HPSE2: variants seen among roughly 807,000 people sequenced by gnomAD.
HPSE2 encodes inactive heparanase-2.
HPSE2 carries 38 observed loss-of-function variants against 60.5 expected under a neutral mutation model. The ratio of observed to expected loss-of-function variants is 0.63; its 90% CI spans 0.48 to 0.82. The LOEUF (loss-of-function observed/expected upper bound fraction) is 0.82. HPSE2 is among the 40% of genes least tolerant of loss of function. The pLI is 0.00. For synonymous variants in HPSE2, 295 were observed against 293.2 expected (o/e 1.01, Z -0.06); for missense variants, 713 against 740.4 (o/e 0.96, Z 0.43).
At chr10:98,910,340 C>T (rs1204353410) in intron 3 of HPSE2, among the ~76,000 whole-genome samples, 1 of 152,004 alleles carries the variant, frequency 6.6e-6, no homozygotes, top group Non-Finnish European at 1.5e-5. Flanking sequence ...TTATGAGTCA[C>T]CAGTAAAGAG....
chr10:99,206,461 C>T (rs1455831752), intron 2 of HPSE2, among the ~76,000 whole-genome samples: 1 of 151,244 alleles, frequency 6.6e-6, no homozygotes, highest in African/African-American at 2.4e-5. Context: ...GGGGTGGTGG[C>T]ATGCGCTATG....
intron 2 of HPSE2, among the ~76,000 whole-genome samples, chr10:99,203,599 T>C (rs1444099697): frequency 6.6e-6 from 1 of 151,836 alleles, no homozygotes; most frequent in African/African-American, 2.4e-5. Flanking sequence ...AACAGACTCC[T>C]GCACTAGACT....
At chr10:99,008,654 T>C (rs191697626) in intron 3 of HPSE2, among the ~76,000 whole-genome samples, 1 of 152,268 alleles carries the variant, frequency 6.6e-6, no homozygotes, top group African/African-American at 2.4e-5. Flanking sequence ...CAAAGCCAAT[T>C]AGCATCAGAT....
intron 3 of HPSE2, among the ~76,000 whole-genome samples, chr10:99,007,962 A>G (rs1278099961): frequency 6.6e-6 from 1 of 152,214 alleles, no homozygotes; most frequent in Non-Finnish European, 1.5e-5. Context: ...TGTATGCATA[A>G]TTCCAAGTCA....
chr10:98,909,999 C>A (rs1317420336), intron 3 of HPSE2, among the ~76,000 whole-genome samples: 1 of 152,078 alleles, frequency 6.6e-6, no homozygotes, highest in Non-Finnish European at 1.5e-5. Flanking sequence ...CTCATCTATA[C>A]TTTATAGTAT....
chr10:99,289,862 CCAGCT>C, the HPSE2 span, among the ~76,000 whole-genome samples: 12 of 152,108 alleles, frequency 7.9e-5, no homozygotes, highest in East Asian at 2.3e-3. Flanking sequence ...TAAATAAATA[CCAGCT>C]AACGAAAGGT....
At chr10:98,923,566 G>T (rs1954350101) in intron 3 of HPSE2, among the ~76,000 whole-genome samples, 1 of 151,832 alleles carries the variant, frequency 6.6e-6, no homozygotes, top group Admixed American at 6.6e-5. Context: ...AATCTTGTAG[G>T]CATGCTTCAT....
intron 3 of HPSE2, among the ~76,000 whole-genome samples, chr10:98,948,626 GA>G (rs1243390930): frequency 4.6e-5 from 7 of 152,146 alleles, no homozygotes; most frequent in Admixed American, 3.9e-4. Context: ...TTAGAGTAAA[GA>G]AAAAGCAGAA....
intron 9 of HPSE2, among the ~76,000 whole-genome samples, chr10:98,492,145 C>A (rs1941667015): frequency 6.6e-6 from 1 of 152,086 alleles, no homozygotes; most frequent in African/African-American, 2.4e-5. Context: ...TAGCCATTAC[C>A]TTTGTGTCGT....
intron 9 of HPSE2, among the ~76,000 whole-genome samples, chr10:98,563,133 G>A (rs1427940373): frequency 6.6e-6 from 1 of 152,102 alleles, no homozygotes; most frequent in African/African-American, 2.4e-5. Flanking sequence ...GTACACAAAT[G>A]TTCATAATAG....
intron 3 of HPSE2, among the ~76,000 whole-genome samples, chr10:99,016,683 G>T (rs1469875246): frequency 1.3e-5 from 2 of 151,960 alleles, no homozygotes; most frequent in Non-Finnish European, 2.9e-5. Flanking sequence ...TTTTCCATTT[G>T]TTTGTGTCAT....
intron 3 of HPSE2, among the ~76,000 whole-genome samples, chr10:98,939,663 G>A (rs1954927770): frequency 7.0e-6 from 1 of 143,356 alleles, no homozygotes; most frequent in Admixed American, 6.9e-5. Flanking sequence ...GTCAACATTA[G>A]ACAGATCAAC....
At chr10:98,481,616 A>G (rs1415249858) in intron 11 of HPSE2, among the ~76,000 whole-genome samples, 1 of 152,168 alleles carries the variant, frequency 6.6e-6, no homozygotes, top group Non-Finnish European at 1.5e-5. Flanking sequence ...GCGTGGGCTA[A>G]ATAAGTCACT....
chr10:99,099,334 C>G lies in HPSE2; in HGVS notation c.610+44904G>C, dbSNP rs540694033. On this transcript the variant is annotated intron_variant, in intron 3 of 11. Transcript: ENST00000370552. ...CCAACAGTCTTAGCAAATGGCACACCAGGAGATTATATCCCGCACATGGCT... is the reference window on the plus strand; with the variant it reads ...CCAACAGTCTTAGCAAATGGCACACGAGGAGATTATATCCCGCACATGGCT... Among the ~76,000 whole-genome samples, 53 of 152,312 alleles carry G rather than the reference C, an allele frequency of 3.5e-4. 1 individual carries two copies. Among genetic ancestry groups the G allele is most frequent in the Admixed American group, 3.1e-3 (47 of 15,300 alleles).
rs1942327644 is a variant in HPSE2, at chr10:98,509,803, T to C, written c.1321-19607A>G. On this transcript the variant is annotated intron_variant, in intron 9 of 11. Coordinates refer to ENST00000370552, the MANE Select transcript of HPSE2 (RefSeq NM_021828.5). ...GCGTGAGCCACCGCACCTGGCTTCATAGCTTTTTAAATGCTCAAATGCTTA... is the reference window on the plus strand; with the variant it reads ...GCGTGAGCCACCGCACCTGGCTTCACAGCTTTTTAAATGCTCAAATGCTTA... Among the ~76,000 whole-genome samples, 6 of 152,192 alleles carry C rather than the reference T, an allele frequency of 3.9e-5. No individual in the cohort carries two copies. In the South Asian group the frequency reaches 1.2e-3, roughly 31 times the overall value.
chr10:98,509,885 C>T (rs1942331241), intron 9 of HPSE2, among the ~76,000 whole-genome samples: 1 of 152,058 alleles, frequency 6.6e-6, no homozygotes, highest in African/African-American at 2.4e-5. Context: ...CATTTCTCTT[C>T]TCTCCTCATC....
intron 3 of HPSE2, among the ~76,000 whole-genome samples, chr10:98,896,635 T>C (rs990415): frequency 0.8 from 121,131 of 152,010 alleles, 48,577 homozygotes; most frequent in South Asian, 0.84. Flanking sequence ...GAAAAAGAAT[T>C]AATAAAAATT....
At chr10:98,711,200 T>G (rs1027234470) in intron 5 of HPSE2, among the ~76,000 whole-genome samples, 2 of 152,044 alleles carry the variant, frequency 1.3e-5, no homozygotes, top group African/African-American at 4.8e-5. Context: ...GAGGAAGTTG[T>G]AAAGACTTGG....
chr10:98,725,386 G>A (rs1456393016), intron 4 of HPSE2, among the ~76,000 whole-genome samples: 2 of 152,142 alleles, frequency 1.3e-5, no homozygotes, highest in African/African-American at 4.8e-5. Context: ...CAAGGAATGG[G>A]GAAAGGATTC....
Sources: gnomAD v4.1 joint callset for allele counts (sites outside exome capture counted in the v4.1 genomes callset) on GRCh38, gnomAD v4.1.1 for gene constraint, MANE v1.5 for transcripts, NCBI Gene and HGNC (gene_info 2026-07-23, HGNC 2026-07-21) for gene names.